Variants in PTBP2 observed in about 807,000 individuals in gnomAD.
The protein encoded by PTBP2 is polypyrimidine tract-binding protein 2.
A neutral mutation model predicts 61.4 loss-of-function variants in PTBP2; 13 were observed. The ratio of observed to expected loss-of-function variants is 0.21; its 90% confidence interval spans 0.14 to 0.34. The LOEUF (loss-of-function observed/expected upper bound fraction) is 0.34. Among genes scored for constraint, PTBP2 ranks in the 10% least tolerant of loss-of-function variants. The pLI is 1.00. For missense variants in PTBP2, 405 were observed against 642.6 expected (o/e 0.63, Z 4.00); for synonymous variants, 215 against 218.5 (o/e 0.98, Z 0.14).
At chr1:96,784,973 T>A (rs1207878422) in intron 7 of PTBP2, 86 bp from the exon 8 acceptor site, 1 of 1,104,410 alleles carries the variant, frequency 9.1e-7, no homozygotes, top group Non-Finnish European at 1.3e-6. Context: ...CGAGTTTTTG[T>A]TGTTGAGTTT....
chr1:96,788,765 G>C (rs1295759200), intron 8 of PTBP2, among the ~76,000 whole-genome samples: 2 of 151,948 alleles, frequency 1.3e-5, no homozygotes, highest in Non-Finnish European at 2.9e-5. Flanking sequence ...TTTAGAATCA[G>C]TACTATAAAT....
At chr1:96,782,745 A>G (rs1239265031) in intron 7 of PTBP2, among the ~76,000 whole-genome samples, 3 of 152,022 alleles carry the variant, frequency 2.0e-5, no homozygotes, top group Non-Finnish European at 4.4e-5. Flanking sequence ...CTGATCCCCA[A>G]CAATCTCTTC....
chr1:96,742,701 T>C (rs1257765733), intron 2 of PTBP2, among the ~76,000 whole-genome samples: 3 of 151,622 alleles, frequency 2.0e-5, no homozygotes, highest in Non-Finnish European at 2.9e-5. Flanking sequence ...TCTCTTTTTA[T>C]TGTAAACTTC....
chr1:96,768,200 C>T (rs1263902260), intron 3 of PTBP2, among the ~76,000 whole-genome samples: 1 of 152,006 alleles, frequency 6.6e-6, no homozygotes, highest in Non-Finnish European at 1.5e-5. Flanking sequence ...ACTAGTTAGT[C>T]CAGCTCCCTA....
chr1:96,766,511 C>T (rs1219376408), intron 3 of PTBP2, among the ~76,000 whole-genome samples: 1 of 152,114 alleles, frequency 6.6e-6, no homozygotes, highest in Non-Finnish European at 1.5e-5. Context: ...AGAACTGTAA[C>T]ACAGGCAGAC....
chr1:96,805,030 T>A (rs553229138), intron 9 of PTBP2, 91 bp downstream of exon 9: 1 of 1,054,102 alleles, frequency 9.5e-7, no homozygotes, highest in South Asian at 2.0e-5. Context: ...TTGCCTTTCT[T>A]TTTATGTACA....
chr1:96,787,607 G>A (rs1168773313), intron 8 of PTBP2, among the ~76,000 whole-genome samples: 1 of 152,054 alleles, frequency 6.6e-6, no homozygotes, highest in Non-Finnish European at 1.5e-5. Context: ...TGAGTTAAAG[G>A]TTTTAAAAAT....
At chr1:96,760,440 CTTTTTTTTTT>C (rs989047792) in intron 3 of PTBP2, among the ~76,000 whole-genome samples, 11 of 83,078 alleles carry the variant, frequency 1.3e-4, no homozygotes, top group East Asian at 3.9e-4. Context: ...AAATAGTTTG[CTTTTTTTTTT>C]TTTTTTTTTT....
intron 3 of PTBP2, among the ~76,000 whole-genome samples, chr1:96,757,536 G>GTGT (rs1655295172): frequency 6.6e-6 from 1 of 152,150 alleles, no homozygotes; most frequent in South Asian, 2.1e-4. Context: ...TGATAGGATA[G>GTGT]TACAGTCCTA....
At chr1:96,748,182 G>A (rs996903896) in intron 2 of PTBP2, among the ~76,000 whole-genome samples, 1 of 152,124 alleles carries the variant, frequency 6.6e-6, no homozygotes, top group Non-Finnish European at 1.5e-5. Context: ...CTCCACAGGA[G>A]AAAATGTTTG....
At chr1:96,762,612 G>A (rs1656088045) in intron 3 of PTBP2, among the ~76,000 whole-genome samples, 1 of 149,140 alleles carries the variant, frequency 6.7e-6, no homozygotes, top group African/African-American at 2.5e-5. Context: ...TTCCCAGTAG[G>A]GGCGGCCGGG....
In PTBP2 at chr1:96,814,364, A is replaced by T. The variant is rs1231481488; in HGVS notation, c.*959A>T. ...GAACTGGTGCATGTATTTTTCAAAGATAAAGAAAGTGTACTGCGAAAATAT... is the reference window on the plus strand; with the variant it reads ...GAACTGGTGCATGTATTTTTCAAAGTTAAAGAAAGTGTACTGCGAAAATAT... On this transcript the variant is annotated 3_prime_UTR_variant, in exon 14 of 14. Coordinates refer to ENST00000674951, the MANE Select transcript of PTBP2 (RefSeq NM_021190.4). 1 of 152,572 alleles carries T rather than the reference A, an allele frequency of 6.6e-6. No individual in the cohort carries two copies. 9.5% of individuals were successfully genotyped at this position (152,572 alleles called of 1,614,324 possible).
In PTBP2 at chr1:96,769,718, G is replaced by C; in HGVS notation, c.131G>C (p.Ser44Thr). Reference sequence around the variant, plus strand: ...TGTCTTTCAGCCAATGGTAATGATAGTAAAAAATTTAAAGGAGAAGATAAA... The same window carrying C: ...TGTCTTTCAGCCAATGGTAATGATACTAAAAAATTTAAAGGAGAAGATAAA... ...SMVVTANGND[S>T]KKFKGEDKMD... is the part of the protein sequence containing the mutation. Residue 44 changes from serine (S) to threonine (T), a missense_variant, in exon 4 of 14, where the codon AGT becomes ACT. Ser to Thr is a moderately conservative substitution (Grantham distance 58). Around this residue, in one of 4 missense-constraint regions of PTBP2, gnomAD observed 342 missense variants for 491.2 expected, o/e 0.70. Transcript: ENST00000674951. The C allele has an allele frequency of 6.3e-7, 1 of 1,598,038 alleles. No homozygotes were observed. The highest frequency in any genetic ancestry group is 8.5e-7 in the Non-Finnish European group (1 of 1,172,550).
chr1:96,794,164 A>T (rs1193935348), intron 8 of PTBP2, among the ~76,000 whole-genome samples: 2 of 152,072 alleles, frequency 1.3e-5, no homozygotes, highest in Non-Finnish European at 2.9e-5. Flanking sequence ...TTCTGTGACA[A>T]TCCGTTGATA....
intron 11 of PTBP2, among the ~76,000 whole-genome samples, chr1:96,810,687 TAA>T (rs1182636453): frequency 6.6e-5 from 10 of 152,350 alleles, no homozygotes; most frequent in South Asian, 2.1e-4. Context: ...CTGACAACGT[TAA>T]GTCTACTTAT....
At chr1:96,725,392 C>T (rs946099977) in intron 2 of PTBP2, among the ~76,000 whole-genome samples, 3 of 151,506 alleles carry the variant, frequency 2.0e-5, no homozygotes, top group East Asian at 2.0e-4. Flanking sequence ...CTCCGCCTTC[C>T]GGGTTCACTC....
chr1:96,749,147 C>T (rs1311470233), intron 2 of PTBP2, among the ~76,000 whole-genome samples: 2 of 151,874 alleles, frequency 1.3e-5, no homozygotes, highest in Non-Finnish European at 2.9e-5. Flanking sequence ...AGATGCATTG[C>T]AGGAAGGAGG....
At chr1:96,739,865 C>T (rs1238930941) in intron 2 of PTBP2, among the ~76,000 whole-genome samples, 2 of 151,774 alleles carry the variant, frequency 1.3e-5, no homozygotes, top group African/African-American at 4.8e-5. Context: ...ACCTCGTGAT[C>T]CGCCTGCCTC....
intron 2 of PTBP2, among the ~76,000 whole-genome samples, chr1:96,747,576 A>G (rs565641646): frequency 6.6e-6 from 1 of 152,248 alleles, no homozygotes; most frequent in South Asian, 2.1e-4. Context: ...CTCTGTAATG[A>G]CTTTTTCATA....
Sources: gnomAD v4.1 joint callset for allele counts (sites outside exome capture counted in the v4.1 genomes callset) on GRCh38, gnomAD v4.1.1 for gene constraint, gnomAD v4.1.1 regional missense constraint, MANE v1.5 for transcripts, NCBI Gene and HGNC (gene_info 2026-07-23, HGNC 2026-07-21) for gene names.